SYT16: variants seen among roughly 807,000 people sequenced by gnomAD.
SYT16 encodes synaptotagmin-16.
A neutral mutation model predicts 61.4 loss-of-function variants in SYT16; 42 were observed. The ratio of observed to expected loss-of-function variants is 0.68; its 90% confidence interval spans 0.53 to 0.89. The LOEUF is 0.89. SYT16 is among the 40% of genes least tolerant of loss of function. The pLI is 0.00. For synonymous variants in SYT16, 314 were observed against 302.3 expected, an observed-to-expected ratio of 1.04 and a Z score of -0.40; for missense variants, 804 against 807.3, an observed-to-expected ratio of 1.00 and a Z score of 0.05.
chr14:62,024,330 T>A (rs1173108095), intron 3 of SYT16, among the ~76,000 whole-genome samples: 1 of 152,092 alleles, frequency 6.6e-6, no homozygotes, highest in Non-Finnish European at 1.5e-5. Context: ...TCTAAGAGTT[T>A]AAAATATTGG....
intron 1 of SYT16, among the ~76,000 whole-genome samples, chr14:61,838,985 G>A (rs115960328): frequency 0.071 from 4,710 of 66,728 alleles, 132 homozygotes; most frequent in African/African-American, 0.17. Flanking sequence ...CCACCCCCCC[G>A]CCATGGTCTA....
chr14:61,981,652 C>A (rs964850045), intron 2 of SYT16, among the ~76,000 whole-genome samples: 1 of 152,086 alleles, frequency 6.6e-6, no homozygotes, highest in Non-Finnish European at 1.5e-5. Flanking sequence ...AACTTAGACA[C>A]GGGTTATTGT....
At chr14:61,981,189 C>T (rs545823698) in intron 2 of SYT16, among the ~76,000 whole-genome samples, 6 of 152,174 alleles carry the variant, frequency 3.9e-5, no homozygotes, top group Admixed American at 2.6e-4. Context: ...TGAGGCCCAC[C>T]TACATTATGG....
intron 1 of SYT16, among the ~76,000 whole-genome samples, chr14:61,883,542 G>A (rs934162983): frequency 1.3e-5 from 2 of 152,152 alleles, no homozygotes; most frequent in African/African-American, 4.8e-5. Flanking sequence ...ATCACTATCA[G>A]CATTTTGGTC....
At chr14:61,917,388 G>A (rs1162576729) in intron 1 of SYT16, among the ~76,000 whole-genome samples, 1 of 152,106 alleles carries the variant, frequency 6.6e-6, no homozygotes, top group Non-Finnish European at 1.5e-5. Context: ...ACTGGTTCAC[G>A]GACAAGTAAA....
At chr14:62,097,819 T>C (rs75426139) in intron 7 of SYT16, among the ~76,000 whole-genome samples, 1,538 of 152,350 alleles carry the variant, frequency 0.01, 21 homozygotes, top group Non-Finnish European at 0.016. Flanking sequence ...CATGCTTTTG[T>C]TTGCAAGATT....
At chr14:61,969,771 C>T (rs900254848) in intron 1 of SYT16, among the ~76,000 whole-genome samples, 1 of 152,156 alleles carries the variant, frequency 6.6e-6, no homozygotes, top group African/African-American at 2.4e-5. Flanking sequence ...CACTGGTCAA[C>T]CATGTCCAGC....
chr14:61,874,523 G>T (rs953609801), intron 1 of SYT16, among the ~76,000 whole-genome samples: 4 of 152,128 alleles, frequency 2.6e-5, no homozygotes, highest in African/African-American at 9.7e-5. Context: ...ATCAGACAAG[G>T]TACAGAGAAT....
chr14:61,851,347 T>C (rs1198610006), intron 1 of SYT16, among the ~76,000 whole-genome samples: 1 of 152,232 alleles, frequency 6.6e-6, no homozygotes, highest in Non-Finnish European at 1.5e-5. Context: ...TCTTTGCTAT[T>C]GTGAATAGTG....
chr14:62,069,482 T>G (rs1393276004), intron 3 of SYT16, 121 bp from the exon 4 acceptor site: 9 of 998,728 alleles, frequency 9.0e-6, no homozygotes, highest in Non-Finnish European at 1.4e-5. Context: ...CTATCCAGTT[T>G]GAGTGTGCCT....
chr14:61,997,664 T>C (rs1197926949), intron 3 of SYT16, among the ~76,000 whole-genome samples: 4 of 152,080 alleles, frequency 2.6e-5, no homozygotes, highest in Admixed American at 1.3e-4. Context: ...CTGTAGCTAA[T>C]TGCAATTTTG....
intron 3 of SYT16, among the ~76,000 whole-genome samples, chr14:62,010,801 G>C (rs549635577): frequency 6.6e-6 from 1 of 152,156 alleles, no homozygotes; most frequent in Non-Finnish European, 1.5e-5. Context: ...TGTAATATCA[G>C]AGCCTATTTC....
chr14:62,034,483 A>C (rs2054427719), intron 3 of SYT16, among the ~76,000 whole-genome samples: 1 of 152,194 alleles, frequency 6.6e-6, no homozygotes, highest in African/African-American at 2.4e-5. Context: ...TGCATCAACA[A>C]AATGTAGTCT....
In SYT16 at chr14:61,905,328, A is replaced by G. The variant is rs562368999; in HGVS notation, c.-324-64804A>G. On this transcript the variant is annotated intron_variant, in intron 1 of 7. Coordinates refer to ENST00000683842, the MANE Select transcript of SYT16 (RefSeq NM_001367656.1). ...TGGTAGGGATGTTAGCTGTCCTCCA[A>G]AGTTCATGCTCTTTCTTTATTAGGC... Among the ~76,000 whole-genome samples the G allele has an allele frequency of 1.7e-3, 256 of 151,908 alleles. 5 individuals are homozygous for G. Among genetic ancestry groups the G allele is most frequent in the African/African-American group, 6.1e-3 (252 of 41,150 alleles).
At chr14:62,050,544 C>T (rs186558256) in intron 3 of SYT16, among the ~76,000 whole-genome samples, 72 of 152,286 alleles carry the variant, frequency 4.7e-4, no homozygotes, top group African/African-American at 1.2e-3. Flanking sequence ...GGAGGAGAGG[C>T]GCTCCGAATT....
chr14:62,054,529 T>C (rs1031791302), intron 3 of SYT16, among the ~76,000 whole-genome samples: 2 of 151,882 alleles, frequency 1.3e-5, no homozygotes, highest in African/African-American at 4.8e-5. Flanking sequence ...CTCAGCTAAT[T>C]TTTGTATTTT....
In SYT16 at chr14:61,827,541, T is replaced by C. The variant is rs192017683; in HGVS notation, c.-325+14731T>C. 2.0e-5 allele frequency among the ~76,000 whole-genome samples: 3 copies of C among 152,388 alleles called. No homozygotes were observed. The East Asian group carries it at 5.8e-4, about 29-fold the overall frequency. ...TAGAGATAAAAGCATGTGTTCAGTC[T>C]GCCATTTTACACTGGAAATGAGTCA... On this transcript the variant is annotated intron_variant, in intron 1 of 7. Coordinates refer to ENST00000683842, the MANE Select transcript of SYT16 (RefSeq NM_001367656.1).
chr14:61,949,850 A>T (rs571557816), intron 1 of SYT16, among the ~76,000 whole-genome samples: 13 of 152,316 alleles, frequency 8.5e-5, no homozygotes, highest in Admixed American at 7.8e-4. Flanking sequence ...AAGGAGGCAC[A>T]CTTTTCTGGT....
At chr14:61,978,637 G>T (rs1411380308) in intron 2 of SYT16, among the ~76,000 whole-genome samples, 1 of 152,182 alleles carries the variant, frequency 6.6e-6, no homozygotes, top group Admixed American at 6.5e-5. Flanking sequence ...GATGAAAAGG[G>T]GTAGACCTAT....
Sources: allele counts gnomAD v4.1 joint callset (sites outside exome capture counted in the v4.1 genomes callset), GRCh38; gene constraint gnomAD v4.1.1; transcripts MANE v1.5; gene names NCBI Gene and HGNC (gene_info 2026-07-23, HGNC 2026-07-21).